Variants in CHSY1 observed in about 807,000 individuals in gnomAD.
The protein encoded by CHSY1 is chondroitin sulfate synthase 1.
CHSY1 carries 13 observed loss-of-function variants against 59.8 expected under a neutral mutation model. That is an observed-to-expected ratio of 0.22 (90% confidence interval 0.14 to 0.35). The LOEUF (loss-of-function observed/expected upper bound fraction) is 0.35, where lower values mean the gene tolerates loss of function less well. Among genes scored for constraint, CHSY1 ranks in the 10% least tolerant of loss-of-function variants. The probability of loss-of-function intolerance (pLI) is 1.00; values close to 1 mark genes in which losing one functional copy is unlikely to be tolerated. For missense variants in CHSY1, 947 were observed against 1,030.6 expected (o/e 0.92, Z 1.11); for synonymous variants, 459 against 401.2 (o/e 1.14, Z -1.72).
intron 2 of CHSY1, among the ~76,000 whole-genome samples, chr15:101,196,705 C>A (rs1453093589): frequency 6.6e-6 from 1 of 152,108 alleles, no homozygotes; most frequent in African/African-American, 2.4e-5. Context: ...AATGTAAATG[C>A]CCTGGCTTCA....
At chr15:101,189,407 T>C in intron 2 of CHSY1, 1 of 983,570 alleles carries the variant, frequency 1.0e-6, no homozygotes, top group African/African-American at 1.7e-5. Context: ...AAATCAAAAA[T>C]AAAATTAAAA....
intron 2 of CHSY1, among the ~76,000 whole-genome samples, chr15:101,189,152 T>A (rs945090705): frequency 6.6e-6 from 1 of 152,198 alleles, no homozygotes; most frequent in Non-Finnish European, 1.5e-5. Context: ...CCGGCGAGCG[T>A]GGCGGGCGAA....
intron 2 of CHSY1, among the ~76,000 whole-genome samples, chr15:101,199,195 C>T (rs1368689371): frequency 6.6e-6 from 1 of 152,158 alleles, no homozygotes; most frequent in East Asian, 1.9e-4. Context: ...TCAATTCTAA[C>T]AGAACTCCTT....
At chr15:101,240,416 A>C (rs368579511) in intron 1 of CHSY1, among the ~76,000 whole-genome samples, 22 of 152,336 alleles carry the variant, frequency 1.4e-4, no homozygotes, top group East Asian at 1.2e-3. Flanking sequence ...CTTTGCCATC[A>C]ACACATTTGT....
intron 2 of CHSY1, among the ~76,000 whole-genome samples, chr15:101,184,523 A>AT (rs1282446788): frequency 2.6e-5 from 4 of 151,672 alleles, no homozygotes; most frequent in African/African-American, 2.4e-5. Flanking sequence ...TAATTTTTGT[A>AT]TTTTTTTGTA....
chr15:101,249,510 A>ATTT (rs34753057), intron 1 of CHSY1, among the ~76,000 whole-genome samples: 24,752 of 112,728 alleles, frequency 0.22, 4,379 homozygotes, highest in African/African-American at 0.47. Context: ...GATAGATAGA[A>ATTT]TTTTTTTTTT....
rs1249812399 is a variant in CHSY1 at position 101,175,964 on chromosome 15, A to C, written c.*1424T>G. The C allele has an allele frequency of 7.3e-6, 2 of 275,140 alleles. No individual in the cohort carries two copies. Among genetic ancestry groups the C allele is most frequent in the Non-Finnish European group, 1.3e-5 (2 of 149,190 alleles). 17.0% of individuals were successfully genotyped at this position (275,140 alleles called of 1,614,324 possible). A position where few individuals can be genotyped will look rare whatever the true frequency, so the allele number is the denominator to read the frequency against. ...AATTTATTAAGGCACATTTGATCTG[A>C]GAATTTAACTTTCTGGTATAATGAC... On this transcript the variant is annotated 3_prime_UTR_variant, in exon 3 of 3. Transcript: ENST00000254190.
chr15:101,220,904 A>G (rs2038781968), intron 2 of CHSY1, among the ~76,000 whole-genome samples: 1 of 152,038 alleles, frequency 6.6e-6, no homozygotes, highest in Non-Finnish European at 1.5e-5. Flanking sequence ...TCTCAGCTGG[A>G]CGAGCAGCCC....
Position 101,177,811 on chromosome 15 carries a change from C to T in CHSY1, c.1986G>A (p.Gln662=), listed in dbSNP as rs2038212838. ...QQIYFPIIFS[Q]YDPKIVYSGK... ...CACTATAAACAATCTTTGGGTCATA[C>T]TGGCTGAAGATGATTGGAAAATATA... Residue 662 remains glutamine, a synonymous_variant, in exon 3 of 3, where the codon CAG becomes CAA. Coordinates refer to ENST00000254190, the MANE Select transcript of CHSY1 (RefSeq NM_014918.5). The T allele has an allele frequency of 6.2e-7, 1 of 1,614,096 alleles. No homozygotes were observed. The highest frequency in any genetic ancestry group is 1.3e-5 in the African/African-American group (1 of 74,920).
chr15:101,220,195 A>G (rs2038775054), intron 2 of CHSY1, among the ~76,000 whole-genome samples: 1 of 152,196 alleles, frequency 6.6e-6, no homozygotes, highest in Non-Finnish European at 1.5e-5. Flanking sequence ...AACGTAAATC[A>G]AAGTTTCCTC....
At chr15:101,202,815 A>T (rs777802304) in intron 2 of CHSY1, among the ~76,000 whole-genome samples, 12 of 152,222 alleles carry the variant, frequency 7.9e-5, no homozygotes, top group Non-Finnish European at 1.8e-4. Context: ...ATGAGGACTA[A>T]TAACTTAAAA....
intron 1 of CHSY1, among the ~76,000 whole-genome samples, chr15:101,249,050 G>A (rs1019536530): frequency 2.0e-5 from 3 of 146,496 alleles, no homozygotes; most frequent in Non-Finnish European, 4.5e-5. Flanking sequence ...TGATCCGCCC[G>A]CCTCGGCCTC....
rs1316886143 is a variant in CHSY1 at position 101,251,624 on chromosome 15, AG to A, written c.-169del. 1 of 144,876 alleles carries A rather than the reference AG, an allele frequency of 6.9e-6. No homozygotes were observed. The highest frequency in any genetic ancestry group is 2.5e-5 in the African/African-American group (1 of 40,156). 9.0% of individuals were successfully genotyped at this position (144,876 alleles called of 1,614,324 possible). Reference sequence around the variant, plus strand: ...CCATCGCGGCCCCCGAGCCGCCCGCAGGCCCCGCGCCGGCGCTTTGTTCCGC... The same window carrying A: ...CCATCGCGGCCCCCGAGCCGCCCGCAGCCCCGCGCCGGCGCTTTGTTCCGC... On this transcript the variant is annotated 5_prime_UTR_variant, in exon 1 of 3. It removes the in-frame stop codon of an upstream open reading frame in the 5' UTR. Transcript: ENST00000254190.
chr15:101,176,781 G>A lies in CHSY1; in HGVS notation c.*607C>T, dbSNP rs1281548576. 1 of 185,782 alleles carries A rather than the reference G, an allele frequency of 5.4e-6. No individual in the cohort carries two copies. Among genetic ancestry groups the A allele is most frequent in the African/African-American group, 2.3e-5 (1 of 42,856 alleles). The allele number at this position is 185,782 out of a possible 1,614,324, so 11.5% of individuals were successfully genotyped here. ...ACTGCATTCCAGCCTGGGTAACAGA[G>A]TGAGACTCCGTCTCAAAAAAAGAAC... On this transcript the variant is annotated 3_prime_UTR_variant, in exon 3 of 3. Transcript: ENST00000254190.
chr15:101,224,513 C>A (rs62019752), intron 2 of CHSY1, among the ~76,000 whole-genome samples: 9,164 of 152,216 alleles, frequency 0.06, 648 homozygotes, highest in East Asian at 0.32. Context: ...ATGGCAATGA[C>A]GGTTCTTAAA....
In CHSY1 at chr15:101,178,081, G is replaced by A. The variant is rs548628862; in HGVS notation, c.1716C>T (p.Phe572=). The change falls in exon 3 of 3, where the codon TTC becomes TTT. Residue 572 remains phenylalanine, a synonymous_variant. Transcript: ENST00000254190. The part of the protein sequence containing the change: ...NQNVKLVVLL[F]NSDSNPDKAK... ...CCTTGTCAGGGTTGGAGTCAGAATT[G>A]AAAAGCAGAACCACGAGCTTGACGT... The A allele has an allele frequency of 1.2e-5, 20 of 1,614,152 alleles. No individual in the cohort carries two copies. The highest frequency in any genetic ancestry group is 2.7e-5 in the African/African-American group (2 of 75,022).
At chr15:101,246,553 A>T (rs1192090156) in intron 1 of CHSY1, among the ~76,000 whole-genome samples, 1 of 152,208 alleles carries the variant, frequency 6.6e-6, no homozygotes, top group Non-Finnish European at 1.5e-5. Flanking sequence ...AACAGACAGA[A>T]AGTTCAACGG....
chr15:101,215,364 G>A (rs1234251259), intron 2 of CHSY1, among the ~76,000 whole-genome samples: 1 of 152,224 alleles, frequency 6.6e-6, no homozygotes, highest in Non-Finnish European at 1.5e-5. Flanking sequence ...ATAAAAAGAT[G>A]AAGGGGTAGG....
chr15:101,205,578 G>A (rs1248274607), intron 2 of CHSY1, among the ~76,000 whole-genome samples: 1 of 152,238 alleles, frequency 6.6e-6, no homozygotes, highest in South Asian at 2.1e-4. Flanking sequence ...TTCTACTAAC[G>A]ACTATTAGTA....
Sources: gnomAD v4.1 joint callset for allele counts (sites outside exome capture counted in the v4.1 genomes callset) on GRCh38, gnomAD v4.1.1 for gene constraint, MANE v1.5 for transcripts, NCBI Gene and HGNC (gene_info 2026-07-23, HGNC 2026-07-21) for gene names.